Variants in CNIH3 observed in about 807,000 individuals in gnomAD.
CNIH3 encodes the protein protein cornichon homolog 3.
Under a neutral mutation model 24.1 loss-of-function variants are expected in CNIH3, and 14 were observed. The ratio of observed to expected loss-of-function variants is 0.58; its 90% confidence interval spans 0.38 to 0.91. The LOEUF is 0.91. Among genes scored for constraint, CNIH3 ranks in the 40% least tolerant of loss-of-function variants. The pLI is 0.00. For synonymous variants in CNIH3, 68 were observed against 73.8 expected, an observed-to-expected ratio of 0.92 and a Z score of 0.40; for missense variants, 178 against 196.8, an observed-to-expected ratio of 0.90 and a Z score of 0.57.
intron 3 of CNIH3, chr1:224,730,221 A>C: frequency 2.3e-6 from 1 of 435,448 alleles, no homozygotes; most frequent in Non-Finnish European, 4.2e-6. Flanking sequence ...TGTTAATAGT[A>C]AGCAGTGCAC....
intron 1 of CNIH3, among the ~76,000 whole-genome samples, chr1:224,453,667 A>G (rs1372607035): frequency 6.7e-6 from 1 of 149,590 alleles, no homozygotes; most frequent in Admixed American, 6.7e-5. Context: ...TTCTTGTTAT[A>G]TTGCCCAGAC....
At chr1:224,443,271 C>G (rs542824852) in intron 1 of CNIH3, among the ~76,000 whole-genome samples, 1 of 152,286 alleles carries the variant, frequency 6.6e-6, no homozygotes, top group African/African-American at 2.4e-5. Context: ...TCCTGGGAGA[C>G]ACATTAAGTC....
At chr1:224,738,216 C>T (rs1002018620) in intron 5 of CNIH3, among the ~76,000 whole-genome samples, 3 of 152,240 alleles carry the variant, frequency 2.0e-5, no homozygotes, top group African/African-American at 7.2e-5. Flanking sequence ...TGCACACTCA[C>T]CATTTTCCCC....
chr1:224,739,319 T>TTTTTTC lies in CNIH3; in HGVS notation c.456-9_456-8insTTTTCT. Reference sequence around the variant, plus strand: ...TCTTTTTTTTTTTTTTTTTTTTTTTTTGCATTCAGCATGATCTACACTTTA... The same window carrying TTTTTTC: ...TCTTTTTTTTTTTTTTTTTTTTTTTTTTTTTCTGCATTCAGCATGATCTACACTTTA... On this transcript the variant is annotated splice_polypyrimidine_tract_variant and intron_variant, in intron 5 of 5. Coordinates refer to ENST00000272133, the MANE Select transcript of CNIH3 (RefSeq NM_152495.2). The TTTTTTC allele has an allele frequency of 1.4e-6, 2 of 1,427,338 alleles. No individual in the cohort carries two copies. The highest frequency in any genetic ancestry group is 1.4e-5 in the South Asian group (1 of 72,630). 88.4% of individuals were successfully genotyped at this position (1,427,338 alleles called of 1,614,324 possible).
At position 224,616,591 on chromosome 1, in the gene CNIH3, C is replaced by G; in HGVS notation, c.-584C>G. 1 of 986,686 alleles carries G rather than the reference C, an allele frequency of 1.0e-6. No homozygotes were observed. Among genetic ancestry groups the G allele is most frequent in the Non-Finnish European group, 1.2e-6 (1 of 830,846 alleles). 61.1% of individuals were successfully genotyped at this position (986,686 alleles called of 1,614,324 possible). ...GCGCAGGACCAACGGGACCTACCTC[C>G]TCCCGGCTACCTAAAGACTCCTTCT... is the stretch of plus-strand genomic sequence containing the variant. On this transcript the variant is annotated 5_prime_UTR_variant, in exon 1 of 6. Coordinates refer to ENST00000272133, the MANE Select transcript of CNIH3 (RefSeq NM_152495.2).
chr1:224,662,592 C>A (rs951833047), intron 1 of CNIH3, among the ~76,000 whole-genome samples: 1 of 152,152 alleles, frequency 6.6e-6, no homozygotes, highest in African/African-American at 2.4e-5. Flanking sequence ...CTGTTTTAAT[C>A]TTACCAATAA....
intron 1 of CNIH3, among the ~76,000 whole-genome samples, chr1:224,509,771 G>GC (rs1333319958): frequency 6.6e-6 from 1 of 152,210 alleles, no homozygotes; most frequent in Non-Finnish European, 1.5e-5. Context: ...GCACCTCTGT[G>GC]CCCCCCTCGC....
At chr1:224,625,366 G>C (rs1683468202) in intron 1 of CNIH3, among the ~76,000 whole-genome samples, 1 of 152,016 alleles carries the variant, frequency 6.6e-6, no homozygotes, top group Non-Finnish European at 1.5e-5. Flanking sequence ...TGGCTAACAT[G>C]GTGAAACCCC....
chr1:224,634,352 T>C (rs1683975326), intron 1 of CNIH3, among the ~76,000 whole-genome samples: 1 of 152,096 alleles, frequency 6.6e-6, no homozygotes, highest in Non-Finnish European at 1.5e-5. Context: ...GGGTGGATCA[T>C]GAGGTCAGGT....
chr1:224,733,640 G>A lies in CNIH3; in HGVS notation c.312-923G>A, dbSNP rs140774126. ...CTCCCGGTCGGAGCCCTCTCCCTGG[G>A]CCCTTTACCACCATTGAGAACCACT... On this transcript the variant is annotated intron_variant, in intron 4 of 5. Transcript: ENST00000272133. 3.0e-3 allele frequency among the ~76,000 whole-genome samples: 461 copies of A among 152,296 alleles called. 4 individuals carry two copies. The highest frequency in any genetic ancestry group is 3.4e-3 in the Non-Finnish European group (230 of 68,020).
rs1411706666 is a variant in CNIH3 at position 224,587,250 on chromosome 1, T to G, written n.621-1111T>G. ...GGAGGGGAACCAGAGACCCCAGACT[T>G]CAGAACTGCAGCTTTTGGGGTCAAC... On this transcript the variant is annotated intron_variant and non_coding_transcript_variant, in intron 5 of 5. Transcript: ENST00000471578. 3 of 152,430 alleles carry G rather than the reference T, an allele frequency of 2.0e-5. No individual in the cohort carries two copies. The East Asian group carries it at 5.8e-4, about 29-fold the overall frequency. The allele number at this position is 152,430 out of a possible 1,614,324, so 9.4% of individuals were successfully genotyped here. A position where few individuals can be genotyped will look rare whatever the true frequency, so the allele number is the denominator to read the frequency against.
chr1:224,680,824 C>T lies in CNIH3; in HGVS notation c.82-134C>T, dbSNP rs1215104079. The T allele has an allele frequency of 1.2e-5, 8 of 675,658 alleles. No individual in the cohort carries two copies. In the East Asian group the frequency reaches 2.1e-4, roughly 18 times the overall value. The allele number at this position is 675,658 out of a possible 1,614,324, so 41.9% of individuals were successfully genotyped here. A position where few individuals can be genotyped will look rare whatever the true frequency, so the allele number is the denominator to read the frequency against. ...TATTGCCAGCTTCGACAGTGACCAG[C>T]TGCTGGCCAATCTCATGCCATCTAC... On this transcript the variant is annotated intron_variant, in intron 1 of 5. Transcript: ENST00000272133.
intron 1 of CNIH3, among the ~76,000 whole-genome samples, chr1:224,623,761 C>T (rs1221703559): frequency 6.6e-6 from 1 of 152,156 alleles, no homozygotes; most frequent in Non-Finnish European, 1.5e-5. Context: ...CACTTCCTCC[C>T]CTCCTAGTTA....
At chr1:224,587,995 G>A (rs185534235) in intron 5 of CNIH3, among the ~76,000 whole-genome samples, 78 of 150,958 alleles carry the variant, frequency 5.2e-4, no homozygotes, top group African/African-American at 1.8e-3. Context: ...TTAATTACAA[G>A]ATGAGACCAG....
At chr1:224,572,574 A>G (rs1680865454) in intron 4 of CNIH3, among the ~76,000 whole-genome samples, 1 of 151,142 alleles carries the variant, frequency 6.6e-6, no homozygotes, top group South Asian at 2.1e-4. Context: ...ACTTTACTAC[A>G]GCAATCCTGT....
At chr1:224,452,811 G>A (rs1197537887) in intron 1 of CNIH3, among the ~76,000 whole-genome samples, 1 of 141,794 alleles carries the variant, frequency 7.1e-6, no homozygotes, top group East Asian at 2.1e-4. Flanking sequence ...AAGGGTTTCA[G>A]GGCCAAAAGA....
At chr1:224,690,761 G>A (rs1686889983) in intron 3 of CNIH3, among the ~76,000 whole-genome samples, 1 of 152,214 alleles carries the variant, frequency 6.6e-6, no homozygotes, top group African/African-American at 2.4e-5. Context: ...CCACATGGAG[G>A]AGAAGGGTGT....
chr1:224,561,343 T>G (rs1434953787), intron 3 of CNIH3, among the ~76,000 whole-genome samples: 2 of 152,238 alleles, frequency 1.3e-5, no homozygotes, highest in Non-Finnish European at 2.9e-5. Context: ...AGTTTTATCA[T>G]TTCAAACTTA....
chr1:224,607,223 A>C (rs1245762006), intron 3 of CNIH3, among the ~76,000 whole-genome samples: 1 of 152,120 alleles, frequency 6.6e-6, no homozygotes, highest in Admixed American at 6.5e-5. Context: ...TAAATAAAAG[A>C]AAATGGTGGG....
Sources: gnomAD v4.1 joint callset for allele counts (sites outside exome capture counted in the v4.1 genomes callset) on GRCh38, gnomAD v4.1.1 for gene constraint, MANE v1.5 for transcripts, NCBI Gene and HGNC (gene_info 2026-07-23, HGNC 2026-07-21) for gene names.